The following NUP62 variants were observed in gnomAD, a reference collection of about 807,000 sequenced individuals.
The protein encoded by NUP62 is nuclear pore glycoprotein p62.
For missense variants in NUP62, 647 were observed against 689.4 expected (o/e 0.94, Z 0.69); for synonymous variants, 305 against 303.4 (o/e 1.01, Z -0.05).
At chr19:49,914,628 C>G (rs903116691) in intron 2 of NUP62, among the ~76,000 whole-genome samples, 1 of 151,650 alleles carries the variant, frequency 6.6e-6, no homozygotes, top group Non-Finnish European at 1.5e-5. Flanking sequence ...TATCCCACCC[C>G]CATCTGTGAG....
In NUP62 at chr19:49,909,465, C is replaced by T; in HGVS notation, c.343G>A (p.Gly115Arg). Residue 115 changes from glycine to arginine, a missense_variant, in exon 3 of 3, where the codon GGG becomes AGG. Gly to Arg is a moderately radical substitution (Grantham distance 125). Transcript: ENST00000352066. Reference protein sequence around the residue: ...TPAMANPSGFGLGSSNLTNAI... With the variant: ...TPAMANPSGFRLGSSNLTNAI... Reference sequence around the variant, plus strand: ...TTAGTGAGGTTGCTGCTGCCCAGCCCAAAGCCGCTGGGGTTTGCCATGGCT... The same window carrying T: ...TTAGTGAGGTTGCTGCTGCCCAGCCTAAAGCCGCTGGGGTTTGCCATGGCT... The T allele has an allele frequency of 1.2e-6, 2 of 1,614,106 alleles. No homozygotes were observed. Among genetic ancestry groups the T allele is most frequent in the Non-Finnish European group, 8.5e-7 (1 of 1,180,016 alleles).
rs2075374166 is a variant in NUP62 at position 49,908,516 on chromosome 19, T to C, written c.1292A>G (p.Glu431Gly). ...GTTCTCAGCCAGCTTGTAGGTTTTC[T>C]CACGCTCCTCATCCGCGTGCTGCAG... ...IYLQHADEER[E>G]KTYKLAENID... The change falls in exon 3 of 3, where the codon GAG becomes GGG. Residue 431 changes from glutamate to glycine, a missense_variant. Glu to Gly is a moderately conservative substitution (Grantham distance 98). Coordinates refer to ENST00000352066, the MANE Select transcript of NUP62 (RefSeq NM_016553.5). The C allele has an allele frequency of 6.2e-7, 1 of 1,614,046 alleles. No individual in the cohort carries two copies. The highest frequency in any genetic ancestry group is 1.3e-5 in the African/African-American group (1 of 74,934).
chr19:49,923,075 C>CT (rs34122194), intron 2 of NUP62, among the ~76,000 whole-genome samples: 12,131 of 151,300 alleles, frequency 0.08, 579 homozygotes, highest in African/African-American at 0.14. Context: ...TGCTGTGTCC[C>CT]TTTTTTTTTG....
intron 2 of NUP62, among the ~76,000 whole-genome samples, 174 bp from the exon 3 acceptor site, chr19:49,910,058 A>C (rs2075424230): frequency 6.6e-6 from 1 of 152,062 alleles, no homozygotes; most frequent in Non-Finnish European, 1.5e-5. Context: ...AGCACGCCCC[A>C]GGGGTCAGGT....
Position 49,908,919 on chromosome 19 carries a change from G to A in NUP62, c.889C>T (p.Leu297=). Residue 297 remains leucine, a synonymous_variant, in exon 3 of 3, where the codon CTG becomes TTG. Coordinates refer to ENST00000352066, the MANE Select transcript of NUP62 (RefSeq NM_016553.5). The stretch of plus-strand genomic sequence containing the variant: ...TTGCTGGGGATCCCGGCTGGCGCCA[G>A]TGGTTTTAAATTCAAGGCAAAGCCG... ...TTGFALNLKP[L]APAGIPSNTA... 1.2e-6 allele frequency: 2 copies of A among 1,608,076 alleles called. No homozygotes were observed. Among genetic ancestry groups the A allele is most frequent in the Non-Finnish European group, 1.7e-6 (2 of 1,177,730 alleles).
Position 49,921,771 on chromosome 19 carries a change from T to C in NUP62, c.-78+5923A>G, listed in dbSNP as rs549547394. On this transcript the variant is annotated intron_variant, in intron 2 of 2. Coordinates refer to ENST00000352066, the MANE Select transcript of NUP62 (RefSeq NM_016553.5). The surrounding 1 kb of genome is among the most constrained non-coding windows in gnomAD (Gnocchi z 5.4). ...CTGCCTCTCCCCGCAGCTCCGACCA[T>C]GACCATCCATCCTATGAGTGCTGGC... Among the ~76,000 whole-genome samples, 1 of 152,306 alleles carries C rather than the reference T, an allele frequency of 6.6e-6. No individual in the cohort carries two copies. Among genetic ancestry groups the C allele is most frequent in the African/African-American group, 2.4e-5 (1 of 41,578 alleles).
At chr19:49,923,872 C>T (rs141836903) in intron 2 of NUP62, among the ~76,000 whole-genome samples, 20 of 152,276 alleles carry the variant, frequency 1.3e-4, no homozygotes, top group East Asian at 7.7e-4. Flanking sequence ...GGAAGGCAGC[C>T]GAGGCTCGGC....
intron 2 of NUP62, among the ~76,000 whole-genome samples, chr19:49,915,044 A>T (rs191343272): frequency 6.6e-6 from 1 of 151,724 alleles, no homozygotes; most frequent in East Asian, 1.9e-4. Context: ...CCGGCCCCCA[A>T]CCCCTTTCCT....
intron 2 of NUP62, among the ~76,000 whole-genome samples, chr19:49,910,619 G>A (rs74689664): frequency 0.013 from 1,925 of 151,924 alleles, 48 homozygotes; most frequent in African/African-American, 0.045. Context: ...TGTAGGTGTG[G>A]TGTGGAGGAT....
At chr19:49,911,603 C>T (rs921408059) in intron 2 of NUP62, among the ~76,000 whole-genome samples, 7 of 152,150 alleles carry the variant, frequency 4.6e-5, no homozygotes, top group African/African-American at 1.2e-4. Flanking sequence ...AGTTTTGTTT[C>T]GTCTGCTCCT....
chr19:49,912,063 C>G (rs35843988), intron 2 of NUP62, among the ~76,000 whole-genome samples: 22,553 of 152,048 alleles, frequency 0.15, 2,154 homozygotes, highest in Non-Finnish European at 0.22. Context: ...TAAGTTGTAG[C>G]TAAAATTTCC....
rs1222154279 is a variant in NUP62 at position 49,907,272 on chromosome 19, G to C, written c.*967C>G. The C allele has an allele frequency of 2.4e-5, 7 of 294,372 alleles. No homozygotes were observed. Among genetic ancestry groups the C allele is most frequent in the South Asian group, 8.1e-5 (3 of 37,252 alleles). 18.2% of individuals were successfully genotyped at this position (294,372 alleles called of 1,614,324 possible). A position where few individuals can be genotyped will look rare whatever the true frequency, so the allele number is the denominator to read the frequency against. Reference sequence around the variant, plus strand: ...CCTGCAAGAAGGCCACCTGAGCTTCGGGTAGCTGGGAAGGCTTCCTGGAGG... The same window carrying C: ...CCTGCAAGAAGGCCACCTGAGCTTCCGGTAGCTGGGAAGGCTTCCTGGAGG... On this transcript the variant is annotated 3_prime_UTR_variant, in exon 3 of 3. Transcript: ENST00000352066.
At chr19:49,912,156 A>C (rs902315221) in intron 2 of NUP62, among the ~76,000 whole-genome samples, 2 of 150,052 alleles carry the variant, frequency 1.3e-5, no homozygotes, top group African/African-American at 2.4e-5. Flanking sequence ...TGTCTGGCTT[A>C]ACAGTTCACC....
At chr19:49,911,353 G>T (rs2075457594) in intron 2 of NUP62, 1 of 152,214 alleles carries the variant, frequency 6.6e-6, no homozygotes. Flanking sequence ...GCTGGAAATG[G>T]AAAGAGGGAG....
rs2075766224 is a variant in NUP62, at chr19:49,921,583, G to A, written c.-78+6111C>T. 6.6e-6 allele frequency among the ~76,000 whole-genome samples: 1 copy of A among 152,228 alleles called. No individual in the cohort carries two copies. On this transcript the variant is annotated intron_variant, in intron 2 of 2. Transcript: ENST00000352066. This position sits in a 1 kb window ranked among gnomAD's most constrained non-coding sequence, Gnocchi z 5.4. Reference sequence around the variant, plus strand: ...TACGTTCCTGCTCTGTGGTAGGTCAGGAAGAAGAGGGCAAAGGAGTCTGCA... The same window carrying A: ...TACGTTCCTGCTCTGTGGTAGGTCAAGAAGAAGAGGGCAAAGGAGTCTGCA...
chr19:49,917,685 C>G (rs1321373382), intron 2 of NUP62: 1 of 152,296 alleles, frequency 6.6e-6, no homozygotes, highest in East Asian at 1.9e-4. Context: ...GCTTTCCTGT[C>G]CTGCTCTCTT....
At chr19:49,923,012 G>A (rs748127230) in intron 2 of NUP62, among the ~76,000 whole-genome samples, 5 of 152,202 alleles carry the variant, frequency 3.3e-5, no homozygotes, top group African/African-American at 9.7e-5. Context: ...ACCACTAAGC[G>A]GTGAGTGATG....
At chr19:49,923,447 CTT>C (rs1321088671) in intron 2 of NUP62, among the ~76,000 whole-genome samples, 1 of 152,226 alleles carries the variant, frequency 6.6e-6, no homozygotes. Flanking sequence ...AGGGCCCTGA[CTT>C]TGCCCTCGAA....
At chr19:49,911,592 A>C (rs529146977) in intron 2 of NUP62, among the ~76,000 whole-genome samples, 1 of 152,012 alleles carries the variant, frequency 6.6e-6, no homozygotes, top group African/African-American at 2.4e-5. Flanking sequence ...ACAGGCCCCT[A>C]AGTTTTGTTT....
Sources: allele counts gnomAD v4.1 joint callset (sites outside exome capture counted in the v4.1 genomes callset), GRCh38; gene constraint gnomAD v4.1.1; non-coding constraint Gnocchi (gnomAD v3.1); transcripts MANE v1.5; gene names NCBI Gene and HGNC (gene_info 2026-07-23, HGNC 2026-07-21).